The following PTPN4 variants were observed in gnomAD, a reference collection of about 807,000 sequenced individuals.
PTPN4 encodes the protein tyrosine-protein phosphatase non-receptor type 4.
A neutral mutation model predicts 135.5 loss-of-function variants in PTPN4; 49 were observed. The ratio of observed to expected loss-of-function variants is 0.36; its 90% CI spans 0.29 to 0.46. PTPN4 has a LOEUF of 0.46. Among genes scored for constraint, PTPN4 ranks in the 20% least tolerant of loss-of-function variants. PTPN4 has a pLI of 1.00. For missense variants in PTPN4, 860 were observed against 1,101.0 expected (o/e 0.78, Z 3.10); for synonymous variants, 333 against 369.9 (o/e 0.90, Z 1.14).
chr2:119,911,307 C>G (rs926378986), intron 10 of PTPN4, among the ~76,000 whole-genome samples: 7 of 152,006 alleles, frequency 4.6e-5, no homozygotes, highest in African/African-American at 1.7e-4. Flanking sequence ...TCATCATGTT[C>G]AAATGGGGGT....
chr2:119,881,755 A>G, intron 5 of PTPN4, 31 bp from the exon 6 acceptor site: 2 of 1,439,796 alleles, frequency 1.4e-6, no homozygotes, highest in African/African-American at 2.8e-5. Flanking sequence ...ATTCTATTAA[A>G]TGCTATCCTT....
chr2:119,978,133 T>C lies in PTPN4; in HGVS notation c.*1063T>C, dbSNP rs1679644499. 6.6e-6 allele frequency: 1 copy of C among 152,182 alleles called. No individual in the cohort carries two copies. The highest frequency in any genetic ancestry group is 1.5e-5 in the Non-Finnish European group (1 of 68,024). The allele number at this position is 152,182 out of a possible 1,614,324, so 9.4% of individuals were successfully genotyped here. A position where few individuals can be genotyped will look rare whatever the true frequency, so the allele number is the denominator to read the frequency against. On this transcript the variant is annotated 3_prime_UTR_variant, in exon 27 of 27. Transcript: ENST00000263708. ...GACTGAGGGGTTACGGTTTAGCAGCTCAACTTTAAAAGATGCTTTTATGCT... is the reference window on the plus strand; with the variant it reads ...GACTGAGGGGTTACGGTTTAGCAGCCCAACTTTAAAAGATGCTTTTATGCT...
At chr2:119,782,566 C>T (rs1025378079) in intron 1 of PTPN4, among the ~76,000 whole-genome samples, 1 of 151,804 alleles carries the variant, frequency 6.6e-6, no homozygotes, top group African/African-American at 2.4e-5. Context: ...AGTTGAGGTT[C>T]AGAAAAATGA....
chr2:119,772,924 C>T (rs944049928), intron 1 of PTPN4, among the ~76,000 whole-genome samples: 1 of 152,150 alleles, frequency 6.6e-6, no homozygotes, highest in Non-Finnish European at 1.5e-5. Flanking sequence ...GGTATCTGTG[C>T]CGTATCACCT....
intron 3 of PTPN4, among the ~76,000 whole-genome samples, chr2:119,874,769 C>T (rs1331622698): frequency 6.6e-6 from 1 of 151,952 alleles, no homozygotes; most frequent in African/African-American, 2.4e-5. Flanking sequence ...TTTTGTGGTG[C>T]GTGAAATATG....
intron 16 of PTPN4, among the ~76,000 whole-genome samples, chr2:119,945,571 A>G (rs1679120659): frequency 6.6e-6 from 1 of 150,568 alleles, no homozygotes; most frequent in African/African-American, 2.4e-5. Flanking sequence ...CATGTTGTGC[A>G]CATGTACCCT....
chr2:119,782,999 CTT>C (rs5833802), intron 1 of PTPN4, among the ~76,000 whole-genome samples: 2 of 146,334 alleles, frequency 1.4e-5, no homozygotes, highest in African/African-American at 2.5e-5. Context: ...GCTGAAATCC[CTT>C]TTTTTTTTTT....
At chr2:119,785,044 C>T (rs1006776464) in intron 1 of PTPN4, among the ~76,000 whole-genome samples, 1 of 152,132 alleles carries the variant, frequency 6.6e-6, no homozygotes, top group Admixed American at 6.5e-5. Context: ...GCACTATTGA[C>T]ATTTTGGACC....
intron 10 of PTPN4, among the ~76,000 whole-genome samples, chr2:119,901,539 C>A (rs139647253): frequency 1.8e-3 from 274 of 152,296 alleles, no homozygotes; most frequent in South Asian, 0.018. Flanking sequence ...ATATTTATTT[C>A]TTTCTTTTAC....
chr2:119,929,810 G>A (rs1678876966), intron 13 of PTPN4, among the ~76,000 whole-genome samples: 1 of 152,086 alleles, frequency 6.6e-6, no homozygotes, highest in South Asian at 2.1e-4. Context: ...CAGCAATAAA[G>A]TGTTCTGACG....
chr2:119,920,222 G>C lies in PTPN4; in HGVS notation c.982G>C (p.Gly328Arg). 1 of 1,610,600 alleles carries C rather than the reference G, an allele frequency of 6.2e-7. No homozygotes were observed. Among genetic ancestry groups the C allele is most frequent in the Non-Finnish European group, 8.5e-7 (1 of 1,178,378 alleles). ...KNFFAHYFTL[G>R]SKFRYCGRTE... The stretch of plus-strand genomic sequence containing the variant: ...TTTTTTTGCACATTATTTTACATTA[G>C]GTTCAAAATTCCGGTACTGGTAAGT... Residue 328 changes from glycine to arginine, a missense_variant, in exon 12 of 27, where the codon GGT becomes CGT. Physicochemically the swap from Gly to Arg is moderately radical, Grantham distance 125. Coordinates refer to ENST00000263708, the MANE Select transcript of PTPN4 (RefSeq NM_002830.4).
chr2:119,770,773 A>G (rs1028290316), intron 1 of PTPN4, among the ~76,000 whole-genome samples: 19 of 151,892 alleles, frequency 1.3e-4, no homozygotes, highest in African/African-American at 4.1e-4. Context: ...AGACCCTTTT[A>G]CTTGTGTAAC....
At chr2:119,832,682 A>G (rs1677236621) in intron 2 of PTPN4, among the ~76,000 whole-genome samples, 1 of 151,958 alleles carries the variant, frequency 6.6e-6, no homozygotes, top group Non-Finnish European at 1.5e-5. Context: ...TTATTCTGTT[A>G]ATATTAGTAA....
chr2:119,895,671 C>G (rs2105011664), intron 9 of PTPN4, among the ~76,000 whole-genome samples: 1 of 152,020 alleles, frequency 6.6e-6, no homozygotes, highest in East Asian at 1.9e-4. Context: ...CCTGTAATCC[C>G]AGCACTTTGG....
At chr2:119,881,076 T>C (rs1334006554) in intron 5 of PTPN4, among the ~76,000 whole-genome samples, 1 of 152,188 alleles carries the variant, frequency 6.6e-6, no homozygotes, top group Non-Finnish European at 1.5e-5. Context: ...TTTGCCCAAG[T>C]ATTGACAAAT....
At chr2:119,812,341 C>T (rs1049168355) in intron 2 of PTPN4, among the ~76,000 whole-genome samples, 2 of 152,220 alleles carry the variant, frequency 1.3e-5, no homozygotes, top group African/African-American at 4.8e-5. Flanking sequence ...CTCTGTTCAC[C>T]AAGAAGGAGA....
At chr2:119,961,894 C>T (rs969368847) in intron 23 of PTPN4, among the ~76,000 whole-genome samples, 14 of 151,900 alleles carry the variant, frequency 9.2e-5, no homozygotes, top group South Asian at 6.2e-4. Flanking sequence ...GATGGGGGAA[C>T]GGATGAGGAA....
chr2:119,875,341 G>A (rs1350134634), intron 3 of PTPN4, among the ~76,000 whole-genome samples: 1 of 152,144 alleles, frequency 6.6e-6, no homozygotes, highest in Non-Finnish European at 1.5e-5. Flanking sequence ...TCTAAGCTAT[G>A]TCAGCTTGAC....
At chr2:119,820,627 T>G (rs1473690313) in intron 2 of PTPN4, among the ~76,000 whole-genome samples, 1 of 152,200 alleles carries the variant, frequency 6.6e-6, no homozygotes, top group African/African-American at 2.4e-5. Context: ...GAGAAGAAAT[T>G]GCATCTTATC....
Sources: gnomAD v4.1 joint callset for allele counts (sites outside exome capture counted in the v4.1 genomes callset) on GRCh38, gnomAD v4.1.1 for gene constraint, MANE v1.5 for transcripts, NCBI Gene and HGNC (gene_info 2026-07-23, HGNC 2026-07-21) for gene names.